Variants in DPYD observed in about 807,000 individuals in gnomAD.
DPYD encodes the protein dihydropyrimidine dehydrogenase.
In DPYD, 109 loss-of-function variants were observed where a neutral mutation model predicts 116.2. The ratio of observed to expected loss-of-function variants is 0.94; its 90% CI spans 0.80 to 1.10. DPYD has a LOEUF of 1.10. Ranked by LOEUF, DPYD falls within the 50% of genes least tolerant of loss-of-function variation. The pLI is 0.00. For missense variants in DPYD, 1,302 were observed against 1,254.5 expected, an observed-to-expected ratio of 1.04 and a Z score of -0.57; for synonymous variants, 440 against 432.0, an observed-to-expected ratio of 1.02 and a Z score of -0.23.
intron 3 of DPYD, among the ~76,000 whole-genome samples, chr1:97,818,554 C>G (rs1483181578): frequency 6.6e-6 from 1 of 151,804 alleles, no homozygotes; most frequent in Non-Finnish European, 1.5e-5. Context: ...GCATTGTTGC[C>G]GACCATATGG....
chr1:97,218,740 T>C (rs1432813468), intron 19 of DPYD, among the ~76,000 whole-genome samples: 1 of 152,048 alleles, frequency 6.6e-6, no homozygotes, highest in East Asian at 1.9e-4. Context: ...AAAATAATGA[T>C]ATGCCAAATC....
chr1:97,209,269 T>A (rs1659882484), intron 19 of DPYD, among the ~76,000 whole-genome samples: 1 of 152,166 alleles, frequency 6.6e-6, no homozygotes, highest in Non-Finnish European at 1.5e-5. Flanking sequence ...AAGTTGGATT[T>A]TATGTGTTTT....
At chr1:97,157,692 A>G (rs1214842392) in intron 20 of DPYD, among the ~76,000 whole-genome samples, 1 of 152,152 alleles carries the variant, frequency 6.6e-6, no homozygotes, top group Non-Finnish European at 1.5e-5. Flanking sequence ...CATGGCACAC[A>G]ATAGAGTATT....
rs764270260 is a variant in DPYD at position 97,515,778 on chromosome 1, G to A, written c.1688C>T (p.Ala563Val). 1 of 1,612,898 alleles carries A rather than the reference G, an allele frequency of 6.2e-7. No individual in the cohort carries two copies. The highest frequency in any genetic ancestry group is 8.5e-7 in the Non-Finnish European group (1 of 1,179,248). Residue 563 changes from alanine to valine, a missense_variant, in exon 13 of 23, where the codon GCT becomes GTT. By Grantham distance (64) the Ala-to-Val change is moderately conservative. Coordinates refer to ENST00000370192, the MANE Select transcript of DPYD (RefSeq NM_000110.4). ...PATSTSMIRR[A>V]FEAGWGFALT... ...GGCAAAACCCCATCCAGCTTCAAAA[G>A]CTCTTCGAATCATTGATGTGCTGGT... is the stretch of plus-strand genomic sequence containing the variant.
At chr1:97,573,337 G>GC (rs1187549416) in intron 11 of DPYD, among the ~76,000 whole-genome samples, 1 of 151,966 alleles carries the variant, frequency 6.6e-6, no homozygotes, top group Non-Finnish European at 1.5e-5. Flanking sequence ...TGATGATCTG[G>GC]CACAAGGATG....
At chr1:97,160,858 CAG>C (rs1274035944) in intron 20 of DPYD, among the ~76,000 whole-genome samples, 8 of 152,064 alleles carry the variant, frequency 5.3e-5, no homozygotes, top group African/African-American at 1.9e-4. Flanking sequence ...ATTTTGAAAA[CAG>C]AAATTCAGGC....
intron 13 of DPYD, among the ~76,000 whole-genome samples, chr1:97,500,267 T>C (rs981276614): frequency 6.6e-6 from 1 of 150,766 alleles, no homozygotes; most frequent in Non-Finnish European, 1.5e-5. Flanking sequence ...TATTTTTTCT[T>C]ACAAATTAAA....
chr1:97,540,634 G>A (rs1444776150), intron 12 of DPYD, among the ~76,000 whole-genome samples: 1 of 152,084 alleles, frequency 6.6e-6, no homozygotes, highest in Non-Finnish European at 1.5e-5. Flanking sequence ...GTCCATTTGA[G>A]TTTTTATGGA....
At chr1:97,900,518 A>G (rs919935874) in intron 1 of DPYD, among the ~76,000 whole-genome samples, 4 of 151,902 alleles carry the variant, frequency 2.6e-5, no homozygotes, top group Non-Finnish European at 5.9e-5. Context: ...GGGAAATCAC[A>G]TCAGCTTAAG....
At chr1:97,799,340 G>A (rs992662061) in intron 3 of DPYD, among the ~76,000 whole-genome samples, 5 of 151,840 alleles carry the variant, frequency 3.3e-5, no homozygotes, top group Non-Finnish European at 7.4e-5. Context: ...AGTATTTCTT[G>A]AGAAACACAA....
chr1:97,662,476 C>CA (rs955444657), intron 8 of DPYD, among the ~76,000 whole-genome samples: 2 of 151,342 alleles, frequency 1.3e-5, no homozygotes, highest in Non-Finnish European at 3.0e-5. Context: ...ACTAAAAATA[C>CA]AAAAAAATTA....
chr1:97,698,630 C>T (rs1557890677), intron 6 of DPYD, among the ~76,000 whole-genome samples: 1 of 151,568 alleles, frequency 6.6e-6, no homozygotes, highest in East Asian at 1.9e-4. Flanking sequence ...TGATAATATA[C>T]ATAGAGAAAA....
intron 18 of DPYD, among the ~76,000 whole-genome samples, chr1:97,303,650 T>C (rs1405184272): frequency 6.6e-6 from 1 of 152,020 alleles, no homozygotes; most frequent in Non-Finnish European, 1.5e-5. Flanking sequence ...GAAAACTATA[T>C]TAATTCTGTC....
chr1:97,641,921 A>G (rs1027093324), intron 8 of DPYD, among the ~76,000 whole-genome samples: 78 of 152,242 alleles, frequency 5.1e-4, no homozygotes, highest in African/African-American at 1.8e-3. Flanking sequence ...ACAAAAATCA[A>G]TGTGCAAAAA....
At chr1:97,291,136 T>G (rs919251304) in intron 18 of DPYD, among the ~76,000 whole-genome samples, 216 of 152,212 alleles carry the variant, frequency 1.4e-3, no homozygotes, top group Admixed American at 3.7e-3. Flanking sequence ...ACCACAATGA[T>G]ATACCATCTC....
At chr1:97,292,083 C>T (rs2100989066) in intron 18 of DPYD, among the ~76,000 whole-genome samples, 1 of 152,094 alleles carries the variant, frequency 6.6e-6, no homozygotes, top group South Asian at 2.1e-4. Flanking sequence ...CTCTGAGATG[C>T]TAATTGAAAA....
intron 3 of DPYD, chr1:97,797,189 T>C (rs1430566152): frequency 1.3e-5 from 2 of 152,140 alleles, no homozygotes; most frequent in Non-Finnish European, 2.9e-5. Context: ...TTTCCTCCCC[T>C]GAAATTATTA....
intron 16 of DPYD, among the ~76,000 whole-genome samples, chr1:97,322,266 A>C (rs935623459): frequency 1.8e-4 from 25 of 140,550 alleles, no homozygotes; most frequent in Admixed American, 1.6e-4. Flanking sequence ...AAATAAAAGG[A>C]ATTAGGAAGG....
At chr1:97,328,932 C>T (rs1037057362) in intron 16 of DPYD, among the ~76,000 whole-genome samples, 17 of 152,120 alleles carry the variant, frequency 1.1e-4, no homozygotes, top group African/African-American at 3.9e-4. Flanking sequence ...CAGCTCTTTA[C>T]ACCAAAGGGC....
Sources: gnomAD v4.1 joint callset for allele counts (sites outside exome capture counted in the v4.1 genomes callset) on GRCh38, gnomAD v4.1.1 for gene constraint, MANE v1.5 for transcripts, NCBI Gene and HGNC (gene_info 2026-07-23, HGNC 2026-07-21) for gene names.